Variants in ZCCHC7 observed in about 807,000 individuals in gnomAD.
ZCCHC7 encodes zinc finger CCHC domain-containing protein 7.
A neutral mutation model predicts 52.0 loss-of-function variants in ZCCHC7; 35 were observed. The ratio of observed to expected loss-of-function variants is 0.67; its 90% CI spans 0.51 to 0.89. The LOEUF (loss-of-function observed/expected upper bound fraction) is 0.89. Among genes scored for constraint, ZCCHC7 ranks in the 40% least tolerant of loss-of-function variants. The pLI is 0.00. For missense variants in ZCCHC7, 574 were observed against 649.1 expected (o/e 0.88, Z 1.26); for synonymous variants, 217 against 221.5 (o/e 0.98, Z 0.18).
At chr9:37,227,716 A>G (rs1429689709) in intron 2 of ZCCHC7, among the ~76,000 whole-genome samples, 2 of 152,236 alleles carry the variant, frequency 1.3e-5, no homozygotes, top group African/African-American at 4.8e-5. Flanking sequence ...ACTGATAAGC[A>G]AATGTTGATT....
intron 2 of ZCCHC7, among the ~76,000 whole-genome samples, chr9:37,145,375 T>C (rs982203014): frequency 2.0e-4 from 30 of 151,984 alleles, no homozygotes; most frequent in African/African-American, 7.2e-4. Context: ...TTTATGTTTC[T>C]AGAAGTCTAC....
intron 2 of ZCCHC7, among the ~76,000 whole-genome samples, chr9:37,287,453 A>G (rs1828307105): frequency 6.6e-6 from 1 of 152,088 alleles, no homozygotes; most frequent in Admixed American, 6.5e-5. Flanking sequence ...CAAATCAGTA[A>G]TACTTATTAT....
intron 2 of ZCCHC7, among the ~76,000 whole-genome samples, chr9:37,224,498 C>G (rs1019154852): frequency 3.9e-5 from 6 of 152,132 alleles, no homozygotes; most frequent in Non-Finnish European, 4.4e-5. Flanking sequence ...AAGCAGTCTA[C>G]AAAATAAAAT....
intron 1 of ZCCHC7, among the ~76,000 whole-genome samples, chr9:37,121,909 A>G (rs1292163536): frequency 6.6e-6 from 1 of 152,228 alleles, no homozygotes; most frequent in African/African-American, 2.4e-5. Context: ...CAGAGTGGCC[A>G]TCGCATTTGA....
intron 2 of ZCCHC7, among the ~76,000 whole-genome samples, chr9:37,225,398 A>T (rs1167940026): frequency 1.3e-5 from 2 of 152,228 alleles, no homozygotes; most frequent in Non-Finnish European, 2.9e-5. Context: ...CCAATTCTTT[A>T]CAAACTCTTC....
chr9:37,306,775 T>C, intron 5 of ZCCHC7, among the ~76,000 whole-genome samples: 1 of 41,670 alleles, frequency 2.4e-5, no homozygotes, highest in Non-Finnish European at 4.5e-5. Flanking sequence ...TTTTTTTTTT[T>C]TTTTTTTTTT....
intron 5 of ZCCHC7, among the ~76,000 whole-genome samples, chr9:37,310,977 A>G (rs1829572846): frequency 1.3e-5 from 2 of 151,150 alleles, no homozygotes; most frequent in African/African-American, 2.4e-5. Flanking sequence ...AAAAAAAAAA[A>G]AAATCAATAT....
chr9:37,357,142 C>T lies in ZCCHC7; in HGVS notation c.1506C>T (p.His502=). ...CCTTTCACCGTTCATCACATTACCA[C>T]ACGTCAAGAGAAGACAAGTCTCCCA... ...SKPFHRSSHY[H]TSREDKSPKE... Residue 502 remains histidine (H), a synonymous_variant, in exon 9 of 9, where the codon CAC becomes CAT. Transcript: ENST00000336755. The T allele has an allele frequency of 1.9e-6, 3 of 1,613,478 alleles. No homozygotes were observed. Among genetic ancestry groups the T allele is most frequent in the Non-Finnish European group, 2.5e-6 (3 of 1,179,918 alleles).
chr9:37,354,035 A>C lies in ZCCHC7; in HGVS notation c.1084-675A>C, dbSNP rs1214038804. Among the ~76,000 whole-genome samples the C allele has an allele frequency of 1.3e-5, 2 of 152,182 alleles. No individual in the cohort carries two copies. Among genetic ancestry groups the C allele is most frequent in the African/African-American group, 4.8e-5 (2 of 41,438 alleles). ...TAGCTGGGTAGAGGCCAGAGTCATG[A>C]GAGTAGGAAGCTGTCCTGGGAAAAT... On this transcript the variant is annotated intron_variant, in intron 7 of 8. Coordinates refer to ENST00000336755, the MANE Select transcript of ZCCHC7 (RefSeq NM_032226.3). The surrounding 1 kb of genome is among the most constrained non-coding windows in gnomAD (Gnocchi z 4.0).
chr9:37,286,866 TCCCC>T (rs1282807066), intron 2 of ZCCHC7, among the ~76,000 whole-genome samples: 5 of 4,048 alleles, frequency 1.2e-3, no homozygotes, highest in Non-Finnish European at 1.6e-3. Context: ...CCTCCCTCCC[TCCCC>T]CCCTCCCCCT....
At chr9:37,174,687 G>C (rs1821921947) in intron 2 of ZCCHC7, among the ~76,000 whole-genome samples, 1 of 152,186 alleles carries the variant, frequency 6.6e-6, no homozygotes, top group Non-Finnish European at 1.5e-5. Context: ...CCCTTCAGTA[G>C]AAAAGGAGGG....
chr9:37,341,765 G>A (rs554358890), intron 6 of ZCCHC7, among the ~76,000 whole-genome samples: 49 of 152,202 alleles, frequency 3.2e-4, no homozygotes, highest in African/African-American at 1.2e-3. Flanking sequence ...AAGTGAAGGA[G>A]TGCACTATAT....
chr9:37,154,635 CCAT>C (rs1820711639), intron 2 of ZCCHC7, among the ~76,000 whole-genome samples: 1 of 151,604 alleles, frequency 6.6e-6, no homozygotes, highest in Middle Eastern at 3.2e-3. Context: ...GTGCACACCA[CCAT>C]GCCTGGGTGA....
chr9:37,352,986 A>G (rs1821485672), intron 7 of ZCCHC7, among the ~76,000 whole-genome samples: 1 of 152,238 alleles, frequency 6.6e-6, no homozygotes, highest in Non-Finnish European at 1.5e-5. Flanking sequence ...TTATTGAAAT[A>G]GAAAAGTGAA....
chr9:37,192,518 T>C (rs544994727), intron 2 of ZCCHC7, among the ~76,000 whole-genome samples: 8 of 152,342 alleles, frequency 5.3e-5, no homozygotes, highest in African/African-American at 1.9e-4. Context: ...AAGACAGCAC[T>C]TTTCATACAT....
intron 2 of ZCCHC7, among the ~76,000 whole-genome samples, chr9:37,293,998 T>TG: frequency 6.6e-6 from 1 of 152,200 alleles, no homozygotes. Context: ...TAAAATAAGA[T>TG]GAACATTTTG....
At chr9:37,231,658 A>G (rs535768440) in intron 2 of ZCCHC7, among the ~76,000 whole-genome samples, 2 of 151,708 alleles carry the variant, frequency 1.3e-5, no homozygotes, top group Non-Finnish European at 2.9e-5. Flanking sequence ...GTTTTTCTCC[A>G]TTTTTTTTCA....
intron 2 of ZCCHC7, among the ~76,000 whole-genome samples, chr9:37,175,624 C>T (rs1178125438): frequency 6.6e-6 from 1 of 151,912 alleles, no homozygotes; most frequent in Non-Finnish European, 1.5e-5. Flanking sequence ...GTAATCCCAT[C>T]TACTCAAGGA....
intron 2 of ZCCHC7, among the ~76,000 whole-genome samples, chr9:37,260,284 A>G (rs543806040): frequency 3.3e-5 from 5 of 152,282 alleles, no homozygotes; most frequent in East Asian, 1.9e-4. Context: ...GCCATTGCCA[A>G]TCTGGGCTCA....
Sources: gnomAD v4.1 joint callset for allele counts (sites outside exome capture counted in the v4.1 genomes callset) on GRCh38, gnomAD v4.1.1 for gene constraint, Gnocchi (gnomAD v3.1) non-coding constraint, MANE v1.5 for transcripts, NCBI Gene and HGNC (gene_info 2026-07-23, HGNC 2026-07-21) for gene names.